Variants in CCAR1 observed in about 807,000 individuals in gnomAD.
The protein encoded by CCAR1 is cell division cycle and apoptosis regulator 1, also known as cell division cycle and apoptosis regulator protein 1.
In CCAR1, 78 loss-of-function variants were observed where a neutral mutation model predicts 163.8. The ratio of observed to expected loss-of-function variants is 0.48; its 90% CI spans 0.40 to 0.57. CCAR1 has a LOEUF of 0.57. CCAR1 is among the 20% of genes least tolerant of loss of function. CCAR1 has a pLI of 0.00. For synonymous variants in CCAR1, 443 were observed against 460.7 expected (o/e 0.96, Z 0.49); for missense variants, 1,019 against 1,365.2 (o/e 0.75, Z 4.00).
chr10:68,726,164 T>TA (rs1010637674), intron 2 of CCAR1, among the ~76,000 whole-genome samples: 1 of 151,170 alleles, frequency 6.6e-6, no homozygotes, highest in East Asian at 1.9e-4. Flanking sequence ...TTAATTTTTT[T>TA]TTTTTGAGAT....
At chr10:68,763,562 C>T (rs749867733) in intron 16 of CCAR1, among the ~76,000 whole-genome samples, 2 of 152,144 alleles carry the variant, frequency 1.3e-5, no homozygotes, top group Non-Finnish European at 2.9e-5. Context: ...ATTCTTGTAC[C>T]TCAGCCTCCC....
chr10:68,721,335 T>A, intron 1 of CCAR1, 53 bp downstream of exon 1: 1 of 253,084 alleles, frequency 4.0e-6, no homozygotes, highest in Non-Finnish European at 8.0e-6. Context: ...CCGGGTCTCT[T>A]AACATCTTGT....
chr10:68,764,460 G>A (rs1365030714), intron 16 of CCAR1, among the ~76,000 whole-genome samples: 1 of 151,986 alleles, frequency 6.6e-6, no homozygotes, highest in Non-Finnish European at 1.5e-5. Flanking sequence ...CTTGAACCCA[G>A]GAGGTCAACG....
intron 1 of CCAR1, chr10:68,721,802 G>A (rs1234912151): frequency 1.9e-5 from 5 of 261,608 alleles, no homozygotes; most frequent in South Asian, 1.1e-4. Context: ...CTTGAGGGTC[G>A]TGGCGGCCGA....
At position 68,792,348 on chromosome 10, in the gene CCAR1, T is replaced by C. The variant is rs187498875; in HGVS notation, c.*1082T>C. ...CAGTATGATGCCTTAAATTAAGTCT[T>C]CTTTAATTAAAGATATTTTTTTAAA... is the stretch of plus-strand genomic sequence containing the variant. On this transcript the variant is annotated 3_prime_UTR_variant, in exon 25 of 25. Transcript: ENST00000265872. The C allele has an allele frequency of 6.6e-6, 1 of 152,304 alleles. No homozygotes were observed. The highest frequency in any genetic ancestry group is 6.5e-5 in the Admixed American group (1 of 15,292). 9.4% of individuals were successfully genotyped at this position (152,304 alleles called of 1,614,324 possible).
chr10:68,789,134 C>A (rs985451297), intron 23 of CCAR1, among the ~76,000 whole-genome samples: 3 of 151,630 alleles, frequency 2.0e-5, no homozygotes, highest in African/African-American at 7.3e-5. Flanking sequence ...TGGTCTCGAT[C>A]TCCTGACCTC....
At chr10:68,731,950 G>A (rs2056045446) in intron 2 of CCAR1, among the ~76,000 whole-genome samples, 2 of 152,022 alleles carry the variant, frequency 1.3e-5, no homozygotes, top group South Asian at 4.1e-4. Context: ...GAGAAGTGTG[G>A]GTATTGGATG....
chr10:68,726,554 C>T (rs1463257983), intron 2 of CCAR1, among the ~76,000 whole-genome samples: 1 of 152,140 alleles, frequency 6.6e-6, no homozygotes, highest in Non-Finnish European at 1.5e-5. Context: ...GGTGGTGATA[C>T]TCTATCTTTA....
At chr10:68,746,671 G>A (rs1006736716) in intron 6 of CCAR1, among the ~76,000 whole-genome samples, 3 of 151,998 alleles carry the variant, frequency 2.0e-5, no homozygotes, top group African/African-American at 7.3e-5. Flanking sequence ...TCCACCACCT[G>A]GGTTCAAGCA....
intron 6 of CCAR1, among the ~76,000 whole-genome samples, chr10:68,746,631 G>A (rs1471597636): frequency 6.6e-6 from 1 of 151,792 alleles, no homozygotes; most frequent in Non-Finnish European, 1.5e-5. Context: ...TGTCACTCAG[G>A]CCAGGGCACC....
intron 6 of CCAR1, among the ~76,000 whole-genome samples, 171 bp downstream of exon 6, chr10:68,742,740 G>A (rs148060770): frequency 4.0e-5 from 6 of 150,394 alleles, no homozygotes; most frequent in East Asian, 4.0e-4. Context: ...CTCAGCCTTC[G>A]GAGTAGCTGG....
At chr10:68,728,917 A>C (rs924926608) in intron 2 of CCAR1, among the ~76,000 whole-genome samples, 36 of 150,656 alleles carry the variant, frequency 2.4e-4, no homozygotes, top group Non-Finnish European at 4.3e-4. Flanking sequence ...GTGCCATTGC[A>C]CTCCAACCTG....
chr10:68,732,528 T>C lies in CCAR1; in HGVS notation c.74-4348T>C, dbSNP rs1312917476. Among the ~76,000 whole-genome samples, 5 of 152,008 alleles carry C rather than the reference T, an allele frequency of 3.3e-5. No homozygotes were observed. The East Asian group carries it at 7.7e-4, about 23-fold the overall frequency. On this transcript the variant is annotated intron_variant, in intron 2 of 24. Transcript: ENST00000265872. ...CCATGCCCAGCTAACTTTTGTGTTT[T>C]AATAGAGATGGGGTTTCACCGTGTT...
chr10:68,764,394 A>C (rs2056511453), intron 16 of CCAR1, among the ~76,000 whole-genome samples: 1 of 151,968 alleles, frequency 6.6e-6, no homozygotes, highest in South Asian at 2.1e-4. Context: ...AAAAAAAAAA[A>C]AATTTAGCCG....
Position 68,749,217 on chromosome 10 carries a change from G to C in CCAR1, c.908G>C (p.Gly303Ala). The C allele has an allele frequency of 1.2e-6, 2 of 1,613,538 alleles. No homozygotes were observed. The highest frequency in any genetic ancestry group is 1.7e-6 in the Non-Finnish European group (2 of 1,179,882). ...RRLDPPSRFS[G>A]RNDRGDQVPN... ...TTAGATCCCCCATCCCGATTTTCAG[G>C]AAGAAATGACAGAGGGGATCAAGTG... Residue 303 changes from glycine (G) to alanine (A), a missense_variant, in exon 9 of 25, where the codon GGA (glycine) becomes GCA (alanine). Transcript: ENST00000265872.
Position 68,721,646 on chromosome 10 carries a change from G to A in CCAR1, c.-51+364G>A, listed in dbSNP as rs1325695936. Reference sequence around the variant, plus strand: ...CGGCTCCCGGCGGCGTGGGTCTTGGGGAATAGAGGCTTTCTCCGTGCGTGG... The same window carrying A: ...CGGCTCCCGGCGGCGTGGGTCTTGGAGAATAGAGGCTTTCTCCGTGCGTGG... On this transcript the variant is annotated intron_variant, in intron 1 of 24. Coordinates refer to ENST00000265872, the MANE Select transcript of CCAR1 (RefSeq NM_018237.4). 13 of 438,324 alleles carry A rather than the reference G, an allele frequency of 3.0e-5. No individual in the cohort carries two copies. The East Asian group carries it at 1.1e-3, about 36-fold the overall frequency. 27.2% of individuals were successfully genotyped at this position (438,324 alleles called of 1,614,324 possible).
chr10:68,761,548 G>A (rs1035599973), intron 16 of CCAR1, among the ~76,000 whole-genome samples: 8 of 151,464 alleles, frequency 5.3e-5, no homozygotes, highest in Non-Finnish European at 1.2e-4. Context: ...CTTGTGATTC[G>A]CCTGCCTCAG....
chr10:68,760,604 C>CA (rs2056456563), intron 15 of CCAR1, among the ~76,000 whole-genome samples: 1 of 152,170 alleles, frequency 6.6e-6, no homozygotes, highest in African/African-American at 2.4e-5. Context: ...CGTGGTGGCT[C>CA]ACGCCTGTAA....
chr10:68,727,482 T>TTC (rs1189705330), intron 2 of CCAR1, among the ~76,000 whole-genome samples: 3 of 152,162 alleles, frequency 2.0e-5, no homozygotes, highest in Non-Finnish European at 4.4e-5. Context: ...TCATTTTATC[T>TTC]TCTATTTCTT....
Sources: allele counts gnomAD v4.1 joint callset (sites outside exome capture counted in the v4.1 genomes callset), GRCh38; gene constraint gnomAD v4.1.1; transcripts MANE v1.5; gene names NCBI Gene and HGNC (gene_info 2026-07-23, HGNC 2026-07-21).